RAB8B: variants seen among roughly 807,000 people sequenced by gnomAD.
RAB8B encodes the protein ras-related protein Rab-8B.
A neutral mutation model predicts 32.0 loss-of-function variants in RAB8B; 11 were observed. The ratio of observed to expected loss-of-function variants is 0.34; its 90% confidence interval spans 0.22 to 0.57. RAB8B has a LOEUF of 0.57. Ranked by LOEUF, RAB8B falls within the 20% of genes least tolerant of loss-of-function variation. The pLI is 0.86. For missense variants in RAB8B, 190 were observed against 258.5 expected, an observed-to-expected ratio of 0.73 and a Z score of 1.82; for synonymous variants, 103 against 89.6, an observed-to-expected ratio of 1.15 and a Z score of -0.85.
intron 1 of RAB8B, among the ~76,000 whole-genome samples, chr15:63,211,733 A>G (rs2037748701): frequency 6.6e-6 from 1 of 152,190 alleles, no homozygotes; most frequent in Non-Finnish European, 1.5e-5. Context: ...AATTGCAACT[A>G]GTGACTGGTC....
intron 1 of RAB8B, among the ~76,000 whole-genome samples, chr15:63,234,291 T>G (rs1282425733): frequency 1.3e-5 from 2 of 152,194 alleles, no homozygotes; most frequent in Admixed American, 1.3e-4. Flanking sequence ...ACTCCAGCAA[T>G]GGTATCCTTT....
intron 1 of RAB8B, among the ~76,000 whole-genome samples, chr15:63,209,983 G>T (rs906248118): frequency 7.2e-5 from 11 of 151,908 alleles, no homozygotes; most frequent in African/African-American, 2.4e-4. Flanking sequence ...TCCCGCTTAT[G>T]AGAGAGAACA....
intron 1 of RAB8B, among the ~76,000 whole-genome samples, chr15:63,218,709 T>C (rs2037814254): frequency 6.6e-6 from 1 of 152,208 alleles, no homozygotes; most frequent in South Asian, 2.1e-4. Flanking sequence ...CTTAGGCTGA[T>C]AAATCAAAGT....
At chr15:63,192,314 T>G (rs1337106694) in intron 1 of RAB8B, among the ~76,000 whole-genome samples, 2 of 152,240 alleles carry the variant, frequency 1.3e-5, no homozygotes, top group African/African-American at 4.8e-5. Flanking sequence ...TTCCACAGAC[T>G]CTTCACTGAT....
chr15:63,252,552 T>A (rs1380137301), intron 3 of RAB8B, among the ~76,000 whole-genome samples: 2 of 151,916 alleles, frequency 1.3e-5, no homozygotes, highest in African/African-American at 4.8e-5. Context: ...ATATAAATGA[T>A]CTGGGTTGTT....
intron 2 of RAB8B, among the ~76,000 whole-genome samples, chr15:63,246,835 G>A (rs1054157126): frequency 2.0e-5 from 3 of 152,142 alleles, no homozygotes; most frequent in African/African-American, 7.2e-5. Flanking sequence ...CTATCCTGTG[G>A]CTGAACAGGA....
At position 63,266,100 on chromosome 15, in the gene RAB8B, G is replaced by A. The variant is rs34896765; in HGVS notation, c.*2481G>A. On this transcript the variant is annotated 3_prime_UTR_variant, in exon 8 of 8. Transcript: ENST00000321437. Reference sequence around the variant, plus strand: ...CTATTTGTAGATGAATTTAATGACAGATAATTGTCTGTTCCCCGCTGAAAC... The same window carrying A: ...CTATTTGTAGATGAATTTAATGACAAATAATTGTCTGTTCCCCGCTGAAAC... 0.15 allele frequency: 23,191 copies of A among 152,516 alleles called. 2,134 individuals carry two copies. Among genetic ancestry groups the A allele is most frequent in the East Asian group, 0.46 (2,385 of 5,180 alleles). The allele number at this position is 152,516 out of a possible 1,614,324, so 9.4% of individuals were successfully genotyped here. A position where few individuals can be genotyped will look rare whatever the true frequency, so the allele number is the denominator to read the frequency against.
At chr15:63,258,979 A>G (rs2038179941) in intron 5 of RAB8B, among the ~76,000 whole-genome samples, 1 of 152,096 alleles carries the variant, frequency 6.6e-6, no homozygotes, top group South Asian at 2.1e-4. Context: ...AGTTCTAGGA[A>G]GTCAATGTGA....
In RAB8B at chr15:63,264,536, T is replaced by C. The variant is rs576331220; in HGVS notation, c.*917T>C. 8 of 152,342 alleles carry C rather than the reference T, an allele frequency of 5.3e-5. No homozygotes were observed. In the East Asian group the frequency reaches 1.5e-3, roughly 29 times the overall value. 9.4% of individuals were successfully genotyped at this position (152,342 alleles called of 1,614,324 possible). Reference sequence around the variant, plus strand: ...CAATAAGGATATGTAATATATTTTTTCTTAGGTTCACTCCTTAGCTGGCTG... The same window carrying C: ...CAATAAGGATATGTAATATATTTTTCCTTAGGTTCACTCCTTAGCTGGCTG... On this transcript the variant is annotated 3_prime_UTR_variant, in exon 8 of 8. Transcript: ENST00000321437.
At chr15:63,217,888 G>T (rs149538914) in intron 1 of RAB8B, among the ~76,000 whole-genome samples, 1 of 152,276 alleles carries the variant, frequency 6.6e-6, no homozygotes, top group East Asian at 1.9e-4. Context: ...CTTTTCCCTA[G>T]ATTGAGAGTA....
In RAB8B at chr15:63,259,405, C is replaced by CTTAA. The variant is rs1395584893; in HGVS notation, c.415-221_415-218dup. 2.6e-5 allele frequency among the ~76,000 whole-genome samples: 4 copies of CTTAA among 152,102 alleles called. No homozygotes were observed. Among genetic ancestry groups the CTTAA allele is most frequent in the Non-Finnish European group, 4.4e-5 (3 of 68,014 alleles). On this transcript the variant is annotated intron_variant, in intron 5 of 7. Transcript: ENST00000321437. This position sits in a 1 kb window ranked among gnomAD's most constrained non-coding sequence, Gnocchi z 4.4. ...AAGTGCGTGAGCCACCATGCCCGGCCTTAAATTATGTTTGAAATGGAAGTT... is the reference window on the plus strand; with the variant it reads ...AAGTGCGTGAGCCACCATGCCCGGCCTTAATTAAATTATGTTTGAAATGGAAGTT...
chr15:63,244,856 A>C (rs926362161), intron 2 of RAB8B, 40 bp downstream of exon 2: 1 of 1,466,090 alleles, frequency 6.8e-7, no homozygotes, highest in African/African-American at 1.4e-5. Flanking sequence ...TTTAATTGGG[A>C]ATTGAAAGTA....
intron 1 of RAB8B, among the ~76,000 whole-genome samples, chr15:63,227,172 A>G (rs149094915): frequency 3.3e-4 from 51 of 152,308 alleles, no homozygotes; most frequent in South Asian, 2.7e-3. Flanking sequence ...CTATCTGGGA[A>G]TGCAGCCCAG....
rs758907417 is a variant in RAB8B at position 63,267,249 on chromosome 15, A to G, written c.*3630A>G. 10 of 152,666 alleles carry G rather than the reference A, an allele frequency of 6.6e-5. No homozygotes were observed. The highest frequency in any genetic ancestry group is 1.5e-4 in the Non-Finnish European group (10 of 68,030). 9.5% of individuals were successfully genotyped at this position (152,666 alleles called of 1,614,324 possible). A position where few individuals can be genotyped will look rare whatever the true frequency, so the allele number is the denominator to read the frequency against. On this transcript the variant is annotated 3_prime_UTR_variant, in exon 8 of 8. Coordinates refer to ENST00000321437, the MANE Select transcript of RAB8B (RefSeq NM_016530.3). ...TCTGAAAAAAATCTAAATGACTGAAATGTACAGAAATAAAAATTAGCAAAC... is the reference window on the plus strand; with the variant it reads ...TCTGAAAAAAATCTAAATGACTGAAGTGTACAGAAATAAAAATTAGCAAAC...
intron 1 of RAB8B, 21 bp downstream of exon 1, chr15:63,189,769 C>T (rs2037537818): frequency 2.1e-6 from 3 of 1,395,516 alleles, no homozygotes; most frequent in South Asian, 1.4e-5. Context: ...GGCCGCGGCC[C>T]GGGACCGGGT....
chr15:63,195,876 G>A (rs1025747691), intron 1 of RAB8B, among the ~76,000 whole-genome samples: 2 of 152,176 alleles, frequency 1.3e-5, no homozygotes, highest in Admixed American at 6.5e-5. Context: ...AAGTAGCCAC[G>A]GAAATGTAAA....
intron 2 of RAB8B, among the ~76,000 whole-genome samples, chr15:63,245,895 A>C (rs145888917): frequency 6.6e-6 from 1 of 152,106 alleles, no homozygotes; most frequent in African/African-American, 2.4e-5. Context: ...TTTTTGAGAC[A>C]GAGTTTCGCT....
At chr15:63,262,503 C>T (rs2038210781) in intron 6 of RAB8B, among the ~76,000 whole-genome samples, 189 bp from the exon 7 acceptor site, 1 of 151,752 alleles carries the variant, frequency 6.6e-6, no homozygotes, top group African/African-American at 2.4e-5. Flanking sequence ...TGGTGGCTCA[C>T]ACCTGTAGTC....
intron 1 of RAB8B, among the ~76,000 whole-genome samples, chr15:63,231,494 T>G (rs1010579519): frequency 1.2e-4 from 2 of 16,586 alleles, no homozygotes; most frequent in Non-Finnish European, 4.8e-4. Flanking sequence ...GATTTGCGTG[T>G]TTTTTGTTTT....
Sources: allele counts gnomAD v4.1 joint callset (sites outside exome capture counted in the v4.1 genomes callset), GRCh38; gene constraint gnomAD v4.1.1; non-coding constraint Gnocchi (gnomAD v3.1); transcripts MANE v1.5; gene names NCBI Gene and HGNC (gene_info 2026-07-23, HGNC 2026-07-21).